Variants in NRXN3 observed in about 807,000 individuals in gnomAD.
NRXN3 encodes neurexin 3, also known as neurexin III.
A neutral mutation model predicts 137.6 loss-of-function variants in NRXN3; 32 were observed. The observed-to-expected ratio is 0.23, with a 90% CI of 0.18 to 0.31. NRXN3 has a LOEUF of 0.31. Among genes scored for constraint, NRXN3 ranks in the 10% least tolerant of loss-of-function variants. The pLI, the probability that NRXN3 is intolerant of heterozygous loss-of-function variation, is 1.00. For synonymous variants in NRXN3, 798 were observed against 784.5 expected (o/e 1.02, Z -0.29); for missense variants, 1,574 against 2,062.5 (o/e 0.76, Z 4.59).
chr14:78,700,840 T>C (rs2098271092), intron 6 of NRXN3, among the ~76,000 whole-genome samples: 1 of 152,118 alleles, frequency 6.6e-6, no homozygotes, highest in African/African-American at 2.4e-5. Flanking sequence ...CAGGCTGGAA[T>C]GCAGTGGCAC....
intron 19 of NRXN3, among the ~76,000 whole-genome samples, chr14:79,726,893 G>A (rs578159510): frequency 1.5e-4 from 23 of 152,202 alleles, no homozygotes; most frequent in South Asian, 4.1e-4. Flanking sequence ...GAAAGAGACC[G>A]CTTTGAGGTC....
chr14:78,960,227 T>G (rs1477116593), intron 11 of NRXN3, among the ~76,000 whole-genome samples: 1 of 152,106 alleles, frequency 6.6e-6, no homozygotes, highest in Non-Finnish European at 1.5e-5. Flanking sequence ...TAAAGAAATT[T>G]GAGAGGGGAA....
At chr14:79,651,089 T>C (rs2098473728) in intron 16 of NRXN3, among the ~76,000 whole-genome samples, 1 of 152,200 alleles carries the variant, frequency 6.6e-6, no homozygotes, top group Non-Finnish European at 1.5e-5. Flanking sequence ...GATGGATCAG[T>C]GTCCACCTCT....
intron 10 of NRXN3, among the ~76,000 whole-genome samples, chr14:78,815,812 C>G (rs1203546678): frequency 1.3e-5 from 2 of 152,148 alleles, no homozygotes; most frequent in Non-Finnish European, 2.9e-5. Context: ...TTCTTCATCA[C>G]TAAAAGTCAT....
chr14:79,084,662 C>A (rs533927371), intron 15 of NRXN3, among the ~76,000 whole-genome samples: 3 of 152,110 alleles, frequency 2.0e-5, no homozygotes, highest in Non-Finnish European at 4.4e-5. Flanking sequence ...TAGGTAAATG[C>A]CCCTATTGTA....
At chr14:78,441,053 CCT>C (rs1343260968) in intron 4 of NRXN3, among the ~76,000 whole-genome samples, 2 of 152,102 alleles carry the variant, frequency 1.3e-5, no homozygotes, top group African/African-American at 4.8e-5. Flanking sequence ...GAAGGCTGCA[CCT>C]CTCTGTGAAT....
At position 78,635,249 on chromosome 14, in the gene NRXN3, G is replaced by A. The variant is rs552600986; in HGVS notation, c.758-9871G>A. On this transcript the variant is annotated intron_variant, in intron 4 of 20. Transcript: ENST00000335750. Reference sequence around the variant, plus strand: ...AGAATTCTTTACTTGTTTTCATCTTGGGCTAAAGAGATATTTGATAGAAAT... The same window carrying A: ...AGAATTCTTTACTTGTTTTCATCTTAGGCTAAAGAGATATTTGATAGAAAT... Among the ~76,000 whole-genome samples the A allele has an allele frequency of 2.6e-5, 4 of 152,126 alleles. No individual in the cohort carries two copies. In the South Asian group the frequency reaches 8.3e-4, roughly 32 times the overall value.
At chr14:79,666,354 G>A (rs2098556959) in intron 17 of NRXN3, among the ~76,000 whole-genome samples, 1 of 152,032 alleles carries the variant, frequency 6.6e-6, no homozygotes, top group African/African-American at 2.4e-5. Context: ...ATAATGCTGG[G>A]ACAATTAAGT....
chr14:78,876,919 C>T lies in NRXN3; in HGVS notation c.2275+66575C>T, dbSNP rs555271954. On this transcript the variant is annotated intron_variant, in intron 10 of 20. Transcript: ENST00000335750. ...GCGAGCTATATTGTAAAAAACCATA[C>T]TTCCATTGCTTCTTCACTAGAGCCT... 3.3e-5 allele frequency among the ~76,000 whole-genome samples: 5 copies of T among 152,268 alleles called. No homozygotes were observed. In the East Asian group the frequency reaches 9.7e-4, roughly 29 times the overall value.
chr14:78,758,481 T>C (rs1057365492), intron 8 of NRXN3, among the ~76,000 whole-genome samples: 15 of 152,138 alleles, frequency 9.9e-5, no homozygotes, highest in Non-Finnish European at 1.9e-4. Context: ...AGCTTTCCTA[T>C]GAAAAAAATG....
chr14:78,516,286 C>T (rs959205477), intron 4 of NRXN3, among the ~76,000 whole-genome samples: 6 of 150,782 alleles, frequency 4.0e-5, no homozygotes, highest in African/African-American at 1.5e-4. Context: ...ATGGCATTTA[C>T]CCCAGGTCTA....
intron 16 of NRXN3, among the ~76,000 whole-genome samples, chr14:79,537,897 C>G (rs1027324371): frequency 1.3e-5 from 2 of 152,218 alleles, no homozygotes; most frequent in African/African-American, 2.4e-5. Flanking sequence ...AACTAGTTTA[C>G]AGTCCCACCA....
rs1280625882 is a variant in NRXN3 at position 79,648,200 on chromosome 14, AC to A, written c.3445-15577del. On this transcript the variant is annotated intron_variant, in intron 16 of 20. Transcript: ENST00000335750. ...CCTACTATACAAAACAAACAAACAAACAAACAAACAAAAAACAGAAAACTTG... is the reference window on the plus strand; with the variant it reads ...CCTACTATACAAAACAAACAAACAAAAAACAAACAAAAAACAGAAAACTTG... 4.5e-5 allele frequency among the ~76,000 whole-genome samples: 6 copies of A among 134,260 alleles called. 1 individual carries two copies. Among genetic ancestry groups the A allele is most frequent in the African/African-American group, 1.5e-4 (6 of 40,470 alleles). The allele number at this position is 134,260 out of a possible 152,430, so 88.1% of individuals were successfully genotyped here. A position where few individuals can be genotyped will look rare whatever the true frequency, so the allele number is the denominator to read the frequency against.
chr14:78,625,212 A>T (rs61976103), intron 4 of NRXN3, among the ~76,000 whole-genome samples: 1 of 152,146 alleles, frequency 6.6e-6, no homozygotes, highest in Non-Finnish European at 1.5e-5. Flanking sequence ...TATGAAGAAT[A>T]CATTTTTTTA....
chr14:79,629,730 A>G (rs970217588), intron 16 of NRXN3, among the ~76,000 whole-genome samples: 2 of 152,274 alleles, frequency 1.3e-5, no homozygotes, highest in Non-Finnish European at 2.9e-5. Context: ...GGGAGAAGAA[A>G]AACAAAGAGA....
intron 4 of NRXN3, among the ~76,000 whole-genome samples, chr14:78,448,365 G>A (rs554411537): frequency 1.3e-5 from 2 of 152,324 alleles, no homozygotes; most frequent in South Asian, 2.1e-4. Flanking sequence ...AAATACAAGC[G>A]TTGCTGGAGG....
chr14:79,611,345 A>T (rs575804144), intron 16 of NRXN3: 1 of 152,300 alleles, frequency 6.6e-6, no homozygotes, highest in Non-Finnish European at 1.5e-5. Flanking sequence ...TGTGCCTGTA[A>T]TCCCAGCACT....
intron 8 of NRXN3, among the ~76,000 whole-genome samples, chr14:78,773,789 CTTAT>C (rs1307605207): frequency 6.6e-6 from 1 of 151,846 alleles, no homozygotes; most frequent in Non-Finnish European, 1.5e-5. Context: ...ACTTTATTTA[CTTAT>C]TTGTTTGTTT....
chr14:78,534,839 A>G (rs1290925232), intron 4 of NRXN3, among the ~76,000 whole-genome samples: 1 of 152,176 alleles, frequency 6.6e-6, no homozygotes, highest in Non-Finnish European at 1.5e-5. Context: ...GGTGCTCCTC[A>G]ACCTGTATTT....
Sources: allele counts gnomAD v4.1 joint callset (sites outside exome capture counted in the v4.1 genomes callset), GRCh38; gene constraint gnomAD v4.1.1; transcripts MANE v1.5; gene names NCBI Gene and HGNC (gene_info 2026-07-23, HGNC 2026-07-21).